LSAMP: variants seen among roughly 807,000 people sequenced by gnomAD.
LSAMP encodes limbic system associated membrane protein, also known as limbic system-associated membrane protein.
Under a neutral mutation model 38.6 loss-of-function variants are expected in LSAMP, and 7 were observed. The observed-to-expected ratio is 0.18, with a 90% CI of 0.10 to 0.34. The LOEUF is 0.34. Among genes scored for constraint, LSAMP ranks in the 10% least tolerant of loss-of-function variants. The pLI, the probability that LSAMP is intolerant of heterozygous loss-of-function variation, is 1.00. For synonymous variants in LSAMP, 154 were observed against 166.8 expected, an observed-to-expected ratio of 0.92 and a Z score of 0.59; for missense variants, 313 against 420.0, an observed-to-expected ratio of 0.75 and a Z score of 2.23.
chr3:116,152,043 T>C (rs1336819944), intron 1 of LSAMP, among the ~76,000 whole-genome samples: 1 of 152,108 alleles, frequency 6.6e-6, no homozygotes. Context: ...ACCTAACTTA[T>C]TCCTTACCTG....
intron 6 of LSAMP, among the ~76,000 whole-genome samples, chr3:115,827,518 G>A (rs922660716): frequency 7.9e-5 from 12 of 152,176 alleles, no homozygotes; most frequent in African/African-American, 2.7e-4. Context: ...GTGATTGATA[G>A]TAAAGAGACT....
chr3:116,158,454 A>G (rs1296061407), intron 1 of LSAMP, among the ~76,000 whole-genome samples: 1 of 152,186 alleles, frequency 6.6e-6, no homozygotes, highest in African/African-American at 2.4e-5. Flanking sequence ...ACACCATAGT[A>G]TCTGCCCAAA....
At chr3:116,252,301 A>T (rs1020025888) in intron 1 of LSAMP, among the ~76,000 whole-genome samples, 6 of 152,206 alleles carry the variant, frequency 3.9e-5, no homozygotes, top group Non-Finnish European at 8.8e-5. Context: ...GGGCAACTGA[A>T]ATGTGCTGGA....
At chr3:116,440,654 A>G (rs1387532497) in intron 1 of LSAMP, among the ~76,000 whole-genome samples, 1 of 152,200 alleles carries the variant, frequency 6.6e-6, no homozygotes, top group Admixed American at 6.5e-5. Context: ...CTTTAACAAA[A>G]TGTATATAAT....
chr3:116,411,768 A>T (rs1016785282), intron 1 of LSAMP, among the ~76,000 whole-genome samples: 1 of 147,450 alleles, frequency 6.8e-6, no homozygotes, highest in Non-Finnish European at 1.5e-5. Context: ...CTAAAACTTA[A>T]AGTATAATAA....
chr3:116,185,030 C>CTTTTTTTTTTTTTTTTTTTTTTT (rs368314567), intron 1 of LSAMP, among the ~76,000 whole-genome samples: 6 of 117,762 alleles, frequency 5.1e-5, no homozygotes, highest in Admixed American at 9.0e-5. Flanking sequence ...TTCTTTCTTT[C>CTTTTTTTTTTTTTTTTTTTTTTT]TTTTTTTTTT....
rs80222531 is a variant in LSAMP, at chr3:116,077,305, C to A, written c.388+9019G>T. On this transcript the variant is annotated intron_variant, in intron 2 of 6. Transcript: ENST00000490035. ...ATTAGTCCTGACTTTAATTACCCAT[C>A]TTTTTCATGTTAAGAAATAAATCAT... Among the ~76,000 whole-genome samples, 17 of 151,956 alleles carry A rather than the reference C, an allele frequency of 1.1e-4. 1 individual carries two copies. The East Asian group carries it at 2.1e-3, about 19-fold the overall frequency.
intron 6 of LSAMP, among the ~76,000 whole-genome samples, chr3:115,818,643 C>A (rs1577032529): frequency 2.0e-5 from 3 of 150,042 alleles, no homozygotes; most frequent in Middle Eastern, 3.4e-3. Context: ...GTGGTAAAAT[C>A]CCTTCTAGAC....
chr3:116,168,040 C>T (rs1710103260), intron 1 of LSAMP, among the ~76,000 whole-genome samples: 1 of 152,028 alleles, frequency 6.6e-6, no homozygotes, highest in East Asian at 1.9e-4. Context: ...CAGGTTGAGC[C>T]CATATTCCTA....
At chr3:115,843,106 A>AAACC (rs761268342) in intron 4 of LSAMP, among the ~76,000 whole-genome samples, 7 of 152,228 alleles carry the variant, frequency 4.6e-5, no homozygotes, top group Non-Finnish European at 1.5e-5. Flanking sequence ...ACAAACAAAC[A>AAACC]AAACTAGGAT....
chr3:116,135,903 G>A (rs73140912), intron 1 of LSAMP, among the ~76,000 whole-genome samples: 27,007 of 152,116 alleles, frequency 0.18, 2,500 homozygotes, highest in Admixed American at 0.22. Context: ...CCTGATTGAT[G>A]AGGCTAATAA....
At chr3:116,214,174 A>G (rs2046193817) in intron 1 of LSAMP, among the ~76,000 whole-genome samples, 3 of 152,226 alleles carry the variant, frequency 2.0e-5, no homozygotes, top group African/African-American at 7.2e-5. Context: ...AATTTTCAAC[A>G]CATAAATTCA....
intron 6 of LSAMP, among the ~76,000 whole-genome samples, chr3:115,816,846 G>T (rs1175098576): frequency 1.3e-5 from 2 of 152,190 alleles, no homozygotes; most frequent in Non-Finnish European, 1.5e-5. Flanking sequence ...AACAAATGAT[G>T]TGCAGTTGGA....
intron 1 of LSAMP, among the ~76,000 whole-genome samples, chr3:116,365,245 C>CA (rs1435788040): frequency 1.0e-5 from 1 of 96,708 alleles, no homozygotes; most frequent in African/African-American, 3.9e-5. Context: ...TTTATGCAGC[C>CA]AAAAAACACA....
chr3:116,133,997 TGAA>T (rs1029187426), intron 1 of LSAMP, among the ~76,000 whole-genome samples: 3 of 152,160 alleles, frequency 2.0e-5, no homozygotes, highest in Non-Finnish European at 4.4e-5. Flanking sequence ...TAGAGGTTTT[TGAA>T]GAAGCTGGGA....
At chr3:116,218,173 A>G (rs1179665121) in intron 1 of LSAMP, among the ~76,000 whole-genome samples, 1 of 152,108 alleles carries the variant, frequency 6.6e-6, no homozygotes, top group Admixed American at 6.6e-5. Flanking sequence ...TAATTTTCCA[A>G]GAAGAGTAAG....
intron 1 of LSAMP, among the ~76,000 whole-genome samples, chr3:116,188,009 T>A (rs1273428008): frequency 6.6e-6 from 1 of 152,152 alleles, no homozygotes; most frequent in Non-Finnish European, 1.5e-5. Context: ...TGTGTTTTCA[T>A]CATTTAGCTC....
chr3:115,927,633 G>C (rs1162525826), intron 3 of LSAMP, among the ~76,000 whole-genome samples: 1 of 152,106 alleles, frequency 6.6e-6, no homozygotes, highest in Non-Finnish European at 1.5e-5. Flanking sequence ...TGGTACTCCT[G>C]CCCTTGCTCA....
chr3:115,943,726 G>A (rs1559890833), intron 3 of LSAMP, among the ~76,000 whole-genome samples: 1 of 152,186 alleles, frequency 6.6e-6, no homozygotes, highest in Non-Finnish European at 1.5e-5. Context: ...TACACGTGGA[G>A]ATTTAGAACT....
Sources: gnomAD v4.1 joint callset for allele counts (sites outside exome capture counted in the v4.1 genomes callset) on GRCh38, gnomAD v4.1.1 for gene constraint, MANE v1.5 for transcripts, NCBI Gene and HGNC (gene_info 2026-07-23, HGNC 2026-07-21) for gene names.